The following TPM3 variants were observed in gnomAD, a reference collection of about 807,000 sequenced individuals.
The protein encoded by TPM3 is tropomyosin 3, also known as tropomyosin alpha-3 chain.
A neutral mutation model predicts 43.1 loss-of-function variants in TPM3; 16 were observed. That is an observed-to-expected ratio of 0.37 (90% CI 0.25 to 0.56). The LOEUF is 0.56. Ranked by LOEUF, TPM3 falls within the 20% of genes least tolerant of loss-of-function variation. TPM3 has a pLI of 0.77. For missense variants in TPM3, 176 were observed against 337.2 expected (o/e 0.52, Z 3.74); for synonymous variants, 101 against 116.9 (o/e 0.86, Z 0.88).
intron 2 of TPM3, among the ~76,000 whole-genome samples, chr1:154,186,548 C>T (rs554260570): frequency 3.3e-5 from 5 of 151,488 alleles, no homozygotes; most frequent in Non-Finnish European, 7.4e-5. Context: ...CTCTCCCCAT[C>T]CTTCCTGCCA....
At chr1:154,175,318 G>A (rs191001325) in intron 3 of TPM3, among the ~76,000 whole-genome samples, 25 of 127,382 alleles carry the variant, frequency 2.0e-4, no homozygotes, top group Admixed American at 1.0e-3. Context: ...GCTATAGAGC[G>A]AGACTCTGTC....
At chr1:154,172,072 A>C in intron 5 of TPM3, 1 of 1,614,222 alleles carries the variant, frequency 6.2e-7, no homozygotes, top group Admixed American at 1.7e-5. Flanking sequence ...CTGGTCCATC[A>C]GTCTAATCTG....
intron 8 of TPM3, chr1:154,169,610 G>A (rs775976724): frequency 1.3e-5 from 8 of 598,300 alleles, no homozygotes; most frequent in African/African-American, 1.9e-5. Flanking sequence ...AGCAAGGGCT[G>A]AGAACCTGGG....
chr1:154,171,334 T>A (rs1661549849), intron 6 of TPM3, 79 bp downstream of exon 6: 1 of 1,435,844 alleles, frequency 7.0e-7, no homozygotes, highest in Non-Finnish European at 9.8e-7. Context: ...ATATATGGAA[T>A]GCGTGTCTCC....
At chr1:154,176,069 A>G in intron 3 of TPM3, 46 bp downstream of exon 3, 2 of 1,611,774 alleles carry the variant, frequency 1.2e-6, no homozygotes, top group Non-Finnish European at 1.7e-6. Flanking sequence ...GATCAGAACT[A>G]TTATGAACTT....
chr1:154,164,146 C>A lies in TPM3; in HGVS notation c.*3791G>T, dbSNP rs1424640908. Among the ~76,000 whole-genome samples the A allele has an allele frequency of 6.6e-6, 1 of 151,950 alleles. No homozygotes were observed. Among genetic ancestry groups the A allele is most frequent in the Non-Finnish European group, 1.5e-5 (1 of 67,970 alleles). ...AAACCAGGACAACATGATCTCCCTACATCTTTAACCCCACCACTTTCCTAC... is the reference window on the plus strand; with the variant it reads ...AAACCAGGACAACATGATCTCCCTAAATCTTTAACCCCACCACTTTCCTAC... On this transcript the variant is annotated 3_prime_UTR_variant, in exon 10 of 10. Transcript: ENST00000651641.
downstream of TPM3, chr1:154,155,566 G>A (rs1331289563): frequency 8.5e-6 from 2 of 234,890 alleles, no homozygotes; most frequent in African/African-American, 2.2e-5. Context: ...AGACACTGGC[G>A]TCTCAAAAGC....
At chr1:154,186,464 G>T (rs906130434) in intron 2 of TPM3, among the ~76,000 whole-genome samples, 1 of 151,554 alleles carries the variant, frequency 6.6e-6, no homozygotes, top group Non-Finnish European at 1.5e-5. Flanking sequence ...ACAGCAAGGG[G>T]CCCAGTGCTA....
chr1:154,167,554 C>G lies in TPM3; in HGVS notation c.*383G>C. The G allele has an allele frequency of 8.7e-7, 1 of 1,151,388 alleles. No individual in the cohort carries two copies. Among genetic ancestry groups the G allele is most frequent in the East Asian group, 3.9e-5 (1 of 25,784 alleles). 71.3% of individuals were successfully genotyped at this position (1,151,388 alleles called of 1,614,324 possible). A position where few individuals can be genotyped will look rare whatever the true frequency, so the allele number is the denominator to read the frequency against. The stretch of plus-strand genomic sequence containing the variant: ...CTATCCTGAGTAACCTGTACTAAAT[C>G]CATCACTCTGGTAGAATCAGATCAG... On this transcript the variant is annotated 3_prime_UTR_variant, in exon 10 of 10. Transcript: ENST00000651641.
chr1:154,168,070 A>G, intron 9 of TPM3, 130 bp from the exon 10 acceptor site: 1 of 1,340,824 alleles, frequency 7.5e-7, no homozygotes. Context: ...CAGACACTTC[A>G]GCCTGAGAAA....
In TPM3 at chr1:154,174,368, GTATATATATATATATATATA is replaced by G. The variant is rs34224787; in HGVS notation, c.378-1187_378-1168del. Among the ~76,000 whole-genome samples, 153 of 46,382 alleles carry G rather than the reference GTATATATATATATATATATA, an allele frequency of 3.3e-3. 7 individuals are homozygous for G. The highest frequency in any genetic ancestry group is 0.032 in the East Asian group (52 of 1,612). The allele number at this position is 46,382 out of a possible 152,430, so 30.4% of individuals were successfully genotyped here. ...AAATAAATATTATTTAAATATATGT[GTATATATATATATATATATA>G]TATATATATATATATATATACACAC... On this transcript the variant is annotated intron_variant, in intron 3 of 9. Coordinates refer to ENST00000651641, the MANE Select transcript of TPM3 (RefSeq NM_152263.4).
At chr1:154,183,270 C>G in intron 2 of TPM3, 1 of 1,516,926 alleles carries the variant, frequency 6.6e-7, no homozygotes, top group Non-Finnish European at 8.8e-7. Flanking sequence ...CGCGCCCTCC[C>G]ACCGCCAGGC....
intron 2 of TPM3, among the ~76,000 whole-genome samples, chr1:154,176,978 CAAAAAAA>C (rs60774056): frequency 5.4e-5 from 3 of 55,876 alleles, no homozygotes; most frequent in African/African-American, 1.3e-4. Flanking sequence ...AACTCCATTT[CAAAAAAA>C]AAAAAAAAAA....
At chr1:154,182,152 C>T (rs1397221225) in intron 2 of TPM3, among the ~76,000 whole-genome samples, 1 of 152,206 alleles carries the variant, frequency 6.6e-6, no homozygotes, top group East Asian at 1.9e-4. Context: ...ACCAGTTCGG[C>T]TTGCACTGAT....
chr1:154,189,299 A>G (rs1663568952), intron 2 of TPM3, among the ~76,000 whole-genome samples: 1 of 150,660 alleles, frequency 6.6e-6, no homozygotes, highest in Non-Finnish European at 1.5e-5. Flanking sequence ...CATGGCCAAC[A>G]TGGCGAAACC....
downstream of TPM3, among the ~76,000 whole-genome samples, chr1:154,161,387 A>G (rs1237322316): frequency 6.6e-6 from 1 of 150,618 alleles, no homozygotes; most frequent in Non-Finnish European, 1.5e-5. Flanking sequence ...ACCTATAACC[A>G]AGTTAGTTTG....
Position 154,191,978 on chromosome 1 carries a change from A to G in TPM3, c.41T>C (p.Leu14Ser). The G allele has an allele frequency of 1.2e-6, 2 of 1,613,922 alleles. No individual in the cohort carries two copies. Among genetic ancestry groups the G allele is most frequent in the Non-Finnish European group, 1.7e-6 (2 of 1,180,010 alleles). The change falls in exon 1 of 10, where the codon TTA (leucine) becomes TCA (serine). Residue 14 changes from leucine to serine, a missense_variant. Coordinates refer to ENST00000651641, the MANE Select transcript of TPM3 (RefSeq NM_152263.4). The part of the protein sequence containing the change: ...AIKKKMQMLK[L>S]DKENALDRAE... ...CCGATCCAGAGCATTCTCCTTGTCT[A>G]ACTTCAGCATCTGCATCTTTTTCTT...
At chr1:154,156,031 G>C (rs1659774925), downstream of TPM3, 1 of 179,196 alleles carries the variant, frequency 5.6e-6, no homozygotes, top group African/African-American at 2.4e-5. Context: ...AGGAGTTCGA[G>C]ACCAGCCTGG....
rs1007084260 is a variant in TPM3, at chr1:154,165,515, G to A, written c.*2422C>T. Among the ~76,000 whole-genome samples the A allele has an allele frequency of 2.6e-5, 4 of 151,780 alleles. No individual in the cohort carries two copies. Among genetic ancestry groups the A allele is most frequent in the African/African-American group, 7.3e-5 (3 of 41,306 alleles). On this transcript the variant is annotated 3_prime_UTR_variant, in exon 10 of 10. Transcript: ENST00000651641. ...TGCAAGTTTAACATGTTGGCTGGGC[G>A]CAGTGGCTCAAGCCTGTAATCCCAT... is the stretch of plus-strand genomic sequence containing the variant.
Sources: allele counts gnomAD v4.1 joint callset (sites outside exome capture counted in the v4.1 genomes callset), GRCh38; gene constraint gnomAD v4.1.1; transcripts MANE v1.5; gene names NCBI Gene and HGNC (gene_info 2026-07-23, HGNC 2026-07-21).